Variants in RCC2 observed in about 807,000 individuals in gnomAD.
The protein encoded by RCC2 is protein RCC2.
RCC2 carries 19 observed loss-of-function variants against 64.1 expected under a neutral mutation model. That is an observed-to-expected ratio of 0.30 (90% CI 0.21 to 0.44). RCC2 has a LOEUF of 0.44. Among genes scored for constraint, RCC2 ranks in the 20% least tolerant of loss-of-function variants. The pLI, the probability that RCC2 is intolerant of heterozygous loss-of-function variation, is 1.00. For missense variants in RCC2, 508 were observed against 710.4 expected, an observed-to-expected ratio of 0.72 and a Z score of 3.24; for synonymous variants, 325 against 279.6, an observed-to-expected ratio of 1.16 and a Z score of -1.62.
rs188168632 is a variant in RCC2 at position 17,423,007 on chromosome 1, C to A, written c.524-171G>T. ...GCAAAGAACGCCCCGGCCCTCTGCC[C>A]GCTGGAATGGCGCCTGCTGCAGCTC... On this transcript the variant is annotated intron_variant, in intron 4 of 12. Transcript: ENST00000375436. Among the ~76,000 whole-genome samples, 875 of 152,288 alleles carry A rather than the reference C, an allele frequency of 5.7e-3. 26 individuals carry two copies. Among genetic ancestry groups the A allele is most frequent in the Admixed American group, 0.052 (799 of 15,286 alleles).
intron 2 of RCC2, among the ~76,000 whole-genome samples, 193 bp from the exon 3 acceptor site, chr1:17,429,392 C>A (rs959694315): frequency 3.9e-5 from 6 of 152,198 alleles, no homozygotes; most frequent in African/African-American, 1.4e-4. Context: ...CAACCCCAAA[C>A]CTGCCCACAG....
chr1:17,438,875 TAGATTTTCATTAA>T (rs1239510809), intron 1 of RCC2, among the ~76,000 whole-genome samples: 1 of 152,146 alleles, frequency 6.6e-6, no homozygotes, highest in Non-Finnish European at 1.5e-5. Flanking sequence ...TCCAGTCCCC[TAGATTTTCATTAA>T]AGAAGGCTTC....
chr1:17,428,322 T>C (rs556861332), intron 3 of RCC2, among the ~76,000 whole-genome samples: 1 of 152,354 alleles, frequency 6.6e-6, no homozygotes, highest in Admixed American at 6.5e-5. Context: ...AGGCTGGGCA[T>C]TTTCCAAACA....
At chr1:17,428,715 C>A (rs756478715) in intron 3 of RCC2, among the ~76,000 whole-genome samples, 6 of 152,222 alleles carry the variant, frequency 3.9e-5, no homozygotes, top group Non-Finnish European at 8.8e-5. Context: ...GTGGACTCTT[C>A]TGCAATGCCT....
At chr1:17,412,721 C>T (rs1477369551) in intron 10 of RCC2, among the ~76,000 whole-genome samples, 3 of 152,228 alleles carry the variant, frequency 2.0e-5, no homozygotes, top group Non-Finnish European at 2.9e-5. Context: ...AAGACAATGT[C>T]GTCTTCCCAG....
At chr1:17,413,829 G>A in intron 8 of RCC2, 112 bp from the exon 9 acceptor site, 1 of 986,330 alleles carries the variant, frequency 1.0e-6, no homozygotes, top group Admixed American at 2.5e-5. Context: ...CAAAGGAACA[G>A]CAACATTCAA....
Position 17,438,376 on chromosome 1 carries a change from C to A in RCC2, c.139G>T (p.Gly47Cys). The A allele has an allele frequency of 1.6e-6, 2 of 1,248,028 alleles. No individual in the cohort carries two copies. Among genetic ancestry groups the A allele is most frequent in the Non-Finnish European group, 2.0e-6 (2 of 1,000,030 alleles). 77.3% of individuals were successfully genotyped at this position (1,248,028 alleles called of 1,614,324 possible). A position where few individuals can be genotyped will look rare whatever the true frequency, so the allele number is the denominator to read the frequency against. The change falls in exon 2 of 13, where the codon GGC (glycine) becomes TGC (cysteine). Residue 47 changes from glycine (G) to cysteine (C), a missense_variant. This residue lies in a region of RCC2 where 195 missense variants were observed against 158.3 expected (regional missense o/e 1.23). Transcript: ENST00000375436. ...ERPERCSSSS[G>C]GGSSGDEDGL... Reference sequence around the variant, plus strand: ...TCCTCGTCGCCGCTGCTGCCGCCGCCGCTGCTGCTACTGCAGCGCTCGGGC... The same window carrying A: ...TCCTCGTCGCCGCTGCTGCCGCCGCAGCTGCTGCTACTGCAGCGCTCGGGC...
intron 2 of RCC2, among the ~76,000 whole-genome samples, chr1:17,435,957 G>A (rs972788422): frequency 1.3e-5 from 2 of 151,324 alleles, no homozygotes; most frequent in South Asian, 4.2e-4. Context: ...AATGTAGGGT[G>A]TGCACTTTCC....
intron 8 of RCC2, among the ~76,000 whole-genome samples, chr1:17,415,035 G>A (rs564410354): frequency 1.2e-4 from 19 of 152,288 alleles, no homozygotes; most frequent in East Asian, 1.9e-4. Context: ...CTTCAGTCTC[G>A]TTTTCCCATC....
chr1:17,438,586 A>G (rs2075770689), intron 1 of RCC2, 64 bp from the exon 2 acceptor site: 1 of 1,259,530 alleles, frequency 7.9e-7, no homozygotes, highest in South Asian at 3.3e-5. Context: ...GGGGGAGGGG[A>G]GCGGAGACGA....
chr1:17,413,090 G>A lies in RCC2; in HGVS notation c.1296C>T (p.Ile432=), dbSNP rs942457. 592,892 of 1,611,888 alleles carry A rather than the reference G, an allele frequency of 0.37. 111,521 individuals carry two copies. The highest frequency in any genetic ancestry group is 0.41 in the South Asian group (37,135 of 91,010). ...KAVQDLCGWR[I]RSLACGKSSI... is the part of the protein sequence containing the mutation. ...CCACCTACCCACAAGCCAGGCTCCG[G>A]ATTCTCCAGCCGCAGAGGTCCTGCA... Residue 432 remains isoleucine, a synonymous_variant, in exon 10 of 13, where the codon ATC becomes ATT. Coordinates refer to ENST00000375436, the MANE Select transcript of RCC2 (RefSeq NM_018715.4).
At chr1:17,433,903 CT>C (rs1456844052) in intron 2 of RCC2, among the ~76,000 whole-genome samples, 1 of 152,186 alleles carries the variant, frequency 6.6e-6, no homozygotes, top group African/African-American at 2.4e-5. Context: ...CTGAAACAGA[CT>C]TCCGGGTTGG....
chr1:17,418,502 C>T (rs2075515619), intron 7 of RCC2, among the ~76,000 whole-genome samples: 1 of 152,030 alleles, frequency 6.6e-6, no homozygotes, highest in African/African-American at 2.4e-5. Flanking sequence ...ACCAAAAATA[C>T]AAAAATTAGC....
chr1:17,413,096 C>T lies in RCC2; in HGVS notation c.1290G>A (p.Trp430Ter). ...YPKAVQDLCG[W>*]RIRSLACGKS... ...ACCCACAAGCCAGGCTCCGGATTCTCCAGCCGCAGAGGTCCTGCACTGCTT... is the reference window on the plus strand; with the variant it reads ...ACCCACAAGCCAGGCTCCGGATTCTTCAGCCGCAGAGGTCCTGCACTGCTT... The change falls in exon 10 of 13, where the codon TGG becomes TGA. Residue 430 changes from tryptophan (W) to a stop codon, truncating the protein, a stop_gained. Coordinates refer to ENST00000375436, the MANE Select transcript of RCC2 (RefSeq NM_018715.4). LOFTEE classifies it high-confidence loss of function. 6.2e-7 allele frequency: 1 copy of T among 1,613,934 alleles called. No homozygotes were observed.
At chr1:17,411,569 A>G (rs2075425199) in intron 11 of RCC2, among the ~76,000 whole-genome samples, 1 of 150,506 alleles carries the variant, frequency 6.6e-6, no homozygotes, top group Non-Finnish European at 1.5e-5. Context: ...GGTGACAGAG[A>G]AACTCCATCT....
At chr1:17,416,781 G>T in intron 7 of RCC2, 135 bp from the exon 8 acceptor site, 3 of 782,280 alleles carry the variant, frequency 3.8e-6, no homozygotes, top group East Asian at 2.8e-5. Flanking sequence ...AGCACACGTT[G>T]GTCAACAAAG....
intron 2 of RCC2, among the ~76,000 whole-genome samples, chr1:17,433,852 G>A (rs944385846): frequency 6.6e-6 from 1 of 152,062 alleles, no homozygotes; most frequent in African/African-American, 2.4e-5. Context: ...AAGACCCCCG[G>A]GAACAATGCC....
chr1:17,408,920 G>A lies in RCC2; in HGVS notation c.*170C>T. 1 of 568,972 alleles carries A rather than the reference G, an allele frequency of 1.8e-6. No individual in the cohort carries two copies. Among genetic ancestry groups the A allele is most frequent in the South Asian group, 2.5e-5 (1 of 39,956 alleles). The allele number at this position is 568,972 out of a possible 1,614,324, so 35.2% of individuals were successfully genotyped here. A position where few individuals can be genotyped will look rare whatever the true frequency, so the allele number is the denominator to read the frequency against. The stretch of plus-strand genomic sequence containing the variant: ...ACTTTGGAAAGCATACAGAAAAAAA[G>A]GTAGTTAACGTTGGATCATGTGTAA... On this transcript the variant is annotated 3_prime_UTR_variant, in exon 13 of 13. Transcript: ENST00000375436.
At chr1:17,426,759 CT>C (rs146347066) in intron 3 of RCC2, among the ~76,000 whole-genome samples, 2,456 of 108,956 alleles carry the variant, frequency 0.023, 9 homozygotes, top group Non-Finnish European at 0.029. Context: ...TCTTACTTTT[CT>C]TTTTTTTTTT....
Sources: allele counts gnomAD v4.1 joint callset (sites outside exome capture counted in the v4.1 genomes callset), GRCh38; gene constraint gnomAD v4.1.1; regional missense constraint gnomAD v4.1.1; transcripts MANE v1.5; gene names NCBI Gene and HGNC (gene_info 2026-07-23, HGNC 2026-07-21).